Variants in FBXW7 observed in about 807,000 individuals in gnomAD.
FBXW7 encodes the protein F-box/WD repeat-containing protein 7.
A neutral mutation model predicts 86.3 loss-of-function variants in FBXW7; 11 were observed. That is an observed-to-expected ratio of 0.13 (90% confidence interval 0.08 to 0.21). FBXW7 has a LOEUF of 0.21. Among genes scored for constraint, FBXW7 ranks in the 10% least tolerant of loss-of-function variants. The pLI, the probability that FBXW7 is intolerant of heterozygous loss-of-function variation, is 1.00. For synonymous variants in FBXW7, 313 were observed against 297.9 expected, an observed-to-expected ratio of 1.05 and a Z score of -0.52; for missense variants, 488 against 847.4, an observed-to-expected ratio of 0.58 and a Z score of 5.27.
intron 2 of FBXW7, among the ~76,000 whole-genome samples, chr4:152,473,479 G>C (rs1744135923): frequency 6.6e-6 from 1 of 151,994 alleles, no homozygotes; most frequent in African/African-American, 2.4e-5. Context: ...ATCTTTTGAA[G>C]AAAAACCTGT....
intron 2 of FBXW7, among the ~76,000 whole-genome samples, chr4:152,534,547 C>T (rs936182826): frequency 5.3e-5 from 8 of 152,198 alleles, no homozygotes; most frequent in African/African-American, 1.9e-4. Context: ...AGTTCTCATT[C>T]GGGAACCTAT....
At chr4:152,528,022 C>T (rs964694625) in intron 2 of FBXW7, among the ~76,000 whole-genome samples, 1 of 151,912 alleles carries the variant, frequency 6.6e-6, no homozygotes, top group African/African-American at 2.4e-5. Flanking sequence ...GAGATGAAAA[C>T]GCCAAAGCCA....
Position 152,350,066 on chromosome 4 carries a change from G to A in FBXW7, c.560C>T (p.Pro187Leu), listed in dbSNP as rs753015000. The change falls in exon 5 of 14, where the codon CCA (proline) becomes CTA (leucine). Residue 187 changes from proline to leucine, a missense_variant. Pro to Leu is a moderately conservative substitution (Grantham distance 98). Around this residue, in one of 4 missense-constraint regions of FBXW7, gnomAD observed 230 missense variants for 240.0 expected, o/e 0.96. Transcript: ENST00000281708. Reference protein sequence around the residue: ...EVRSFSLGKKPCKVSEYTSTT... With the variant: ...EVRSFSLGKKLCKVSEYTSTT... ...CCTTGTATATTCTGAGACTTTGCAT[G>A]GTTTCTTTCCCAAAGAAAAAGAGCG... 4 of 1,559,570 alleles carry A rather than the reference G, an allele frequency of 2.6e-6. No homozygotes were observed. The highest frequency in any genetic ancestry group is 3.5e-6 in the Non-Finnish European group (4 of 1,146,644).
At chr4:152,501,620 C>A (rs1334524991) in intron 2 of FBXW7, among the ~76,000 whole-genome samples, 1 of 152,168 alleles carries the variant, frequency 6.6e-6, no homozygotes, top group African/African-American at 2.4e-5. Flanking sequence ...AATATCTGAG[C>A]TCCACTGAAA....
chr4:152,487,437 T>C (rs1365716002), intron 2 of FBXW7, among the ~76,000 whole-genome samples: 5 of 152,076 alleles, frequency 3.3e-5, no homozygotes, highest in Admixed American at 2.6e-4. Context: ...TGAATAAATC[T>C]TGATGTAAAT....
intron 4 of FBXW7, among the ~76,000 whole-genome samples, chr4:152,409,874 T>C (rs1737773959): frequency 1.3e-5 from 2 of 152,172 alleles, no homozygotes; most frequent in African/African-American, 2.4e-5. Flanking sequence ...ATAATTGTTA[T>C]TCATGATTCA....
intron 2 of FBXW7, among the ~76,000 whole-genome samples, chr4:152,503,925 C>T (rs533397554): frequency 9.8e-4 from 149 of 152,152 alleles, no homozygotes; most frequent in African/African-American, 3.4e-3. Flanking sequence ...AATATGAATC[C>T]TAGCCAGTTC....
At chr4:152,463,225 T>G (rs1483134747) in intron 2 of FBXW7, among the ~76,000 whole-genome samples, 1 of 151,904 alleles carries the variant, frequency 6.6e-6, no homozygotes, top group Non-Finnish European at 1.5e-5. Flanking sequence ...AGGCAGAGGT[T>G]GCAGTGAGCC....
intron 2 of FBXW7, among the ~76,000 whole-genome samples, chr4:152,440,073 G>A (rs1273448568): frequency 6.6e-6 from 1 of 152,140 alleles, no homozygotes; most frequent in Non-Finnish European, 1.5e-5. Flanking sequence ...GGACTGGAGT[G>A]AGATATTCAA....
chr4:152,371,886 G>A (rs1386668830), intron 4 of FBXW7, among the ~76,000 whole-genome samples: 1 of 151,906 alleles, frequency 6.6e-6, no homozygotes, highest in East Asian at 1.9e-4. Flanking sequence ...GTCTCTCAGA[G>A]ACATGAAGGC....
intron 2 of FBXW7, among the ~76,000 whole-genome samples, chr4:152,478,632 G>A (rs1007635767): frequency 2.6e-5 from 4 of 152,052 alleles, no homozygotes; most frequent in African/African-American, 7.2e-5. Context: ...ACTTTTTGAA[G>A]AACTGGTAAA....
chr4:152,496,032 T>C (rs1277097255), intron 2 of FBXW7, among the ~76,000 whole-genome samples: 1 of 151,942 alleles, frequency 6.6e-6, no homozygotes, highest in East Asian at 1.9e-4. Flanking sequence ...TTAAAATTGG[T>C]TGGGTGTGGT....
intron 4 of FBXW7, among the ~76,000 whole-genome samples, chr4:152,395,718 T>A (rs576983106): frequency 5.7e-4 from 87 of 152,098 alleles, no homozygotes; most frequent in Non-Finnish European, 7.7e-4. Context: ...AGGCAAACTA[T>A]CGTAATTTTG....
At chr4:152,465,859 A>G (rs1743375889) in intron 2 of FBXW7, among the ~76,000 whole-genome samples, 1 of 151,822 alleles carries the variant, frequency 6.6e-6, no homozygotes, top group South Asian at 2.1e-4. Context: ...AAAAAAAAAA[A>G]AAGAGAACAA....
intron 2 of FBXW7, among the ~76,000 whole-genome samples, chr4:152,525,359 A>G (rs1267337396): frequency 6.6e-6 from 1 of 151,944 alleles, no homozygotes; most frequent in Non-Finnish European, 1.5e-5. Flanking sequence ...AAGGTTTCAT[A>G]GGTAAACACA....
chr4:152,361,905 G>C (rs1732984134), intron 4 of FBXW7, among the ~76,000 whole-genome samples: 1 of 147,236 alleles, frequency 6.8e-6, no homozygotes, highest in Non-Finnish European at 1.5e-5. Flanking sequence ...GGTGGAGGGT[G>C]CAGTGAGCCG....
intron 4 of FBXW7, among the ~76,000 whole-genome samples, chr4:152,406,634 A>C (rs1339394852): frequency 6.6e-6 from 1 of 152,230 alleles, no homozygotes; most frequent in East Asian, 1.9e-4. Flanking sequence ...CTTTAGTTAA[A>C]GATTAGAAGA....
At chr4:152,371,625 G>T (rs571238141) in intron 4 of FBXW7, among the ~76,000 whole-genome samples, 1 of 152,070 alleles carries the variant, frequency 6.6e-6, no homozygotes, top group African/African-American at 2.4e-5. Context: ...ATTTAGAAAT[G>T]AAAAGTGTAT....
intron 4 of FBXW7, among the ~76,000 whole-genome samples, chr4:152,360,374 T>G (rs1732819569): frequency 6.6e-6 from 1 of 152,170 alleles, no homozygotes; most frequent in African/African-American, 2.4e-5. Flanking sequence ...AGGGAAATGG[T>G]GTATAAAACA....
Sources: allele counts gnomAD v4.1 joint callset (sites outside exome capture counted in the v4.1 genomes callset), GRCh38; gene constraint gnomAD v4.1.1; regional missense constraint gnomAD v4.1.1; transcripts MANE v1.5; gene names NCBI Gene and HGNC (gene_info 2026-07-23, HGNC 2026-07-21).